Variants in ATP2C1 observed in about 807,000 individuals in gnomAD.
ATP2C1 encodes the protein calcium-transporting ATPase type 2C member 1.
A neutral mutation model predicts 120.5 loss-of-function variants in ATP2C1; 31 were observed. That is an observed-to-expected ratio of 0.26 (90% CI 0.19 to 0.35). The LOEUF is 0.35. Among genes scored for constraint, ATP2C1 ranks in the 10% least tolerant of loss-of-function variants. The pLI is 1.00. For missense variants in ATP2C1, 731 were observed against 1,107.5 expected (o/e 0.66, Z 4.83); for synonymous variants, 351 against 358.7 (o/e 0.98, Z 0.24).
chr3:130,955,998 G>A, intron 10 of ATP2C1, 106 bp from the exon 11 acceptor site: 3 of 773,086 alleles, frequency 3.9e-6, no homozygotes, highest in Non-Finnish European at 7.0e-6. Flanking sequence ...AGAGTTGTAT[G>A]GTTAACTTAG....
At chr3:130,854,270 G>A (rs2067766399) in intron 1 of ATP2C1, 1 of 152,184 alleles carries the variant, frequency 6.6e-6, no homozygotes, top group South Asian at 2.1e-4. Flanking sequence ...GATGCTGAAG[G>A]TTGGGAAAAT....
Position 131,001,844 on chromosome 3 carries a change from G to A in ATP2C1, c.*494G>A, listed in dbSNP as rs1313769541. On this transcript the variant is annotated 3_prime_UTR_variant, in exon 28 of 28. Transcript: ENST00000510168. ...TCAGCTACTGTATTTCCTTTTTCTT[G>A]TAATGTAAGCAGCTCAGATACCATG... The A allele has an allele frequency of 5.1e-6, 5 of 983,292 alleles. No individual in the cohort carries two copies. The highest frequency in any genetic ancestry group is 4.8e-6 in the Non-Finnish European group (4 of 830,026). 60.9% of individuals were successfully genotyped at this position (983,292 alleles called of 1,614,324 possible).
intron 23 of ATP2C1, among the ~76,000 whole-genome samples, chr3:130,996,468 CTT>C (rs2062627378): frequency 6.6e-6 from 1 of 152,058 alleles, no homozygotes; most frequent in African/African-American, 2.4e-5. Context: ...TGTAAAAATT[CTT>C]TATTTGTTCC....
intron 1 of ATP2C1, among the ~76,000 whole-genome samples, chr3:130,871,659 G>GT (rs2068434458): frequency 6.6e-6 from 1 of 152,226 alleles, no homozygotes; most frequent in East Asian, 1.9e-4. Flanking sequence ...ATGACTTAGA[G>GT]TTTCACAGGT....
chr3:130,933,521 C>CA (rs1381231389), intron 4 of ATP2C1, among the ~76,000 whole-genome samples: 4 of 152,172 alleles, frequency 2.6e-5, no homozygotes, highest in African/African-American at 9.7e-5. Flanking sequence ...ATTAAGGTGA[C>CA]ACACAGATGC....
At chr3:130,918,244 T>C in intron 2 of ATP2C1, 1 of 1,500,150 alleles carries the variant, frequency 6.7e-7, no homozygotes, top group Non-Finnish European at 9.3e-7. Context: ...AAGAGCCCTC[T>C]CCTTGGCCAT....
intron 8 of ATP2C1, among the ~76,000 whole-genome samples, chr3:130,947,187 C>T (rs1421760983): frequency 6.6e-6 from 1 of 152,064 alleles, no homozygotes; most frequent in Non-Finnish European, 1.5e-5. Flanking sequence ...AGGGTGGGGC[C>T]TGAGATTACG....
chr3:130,893,757 C>T (rs1413152793), upstream of ATP2C1, among the ~76,000 whole-genome samples: 1 of 152,142 alleles, frequency 6.6e-6, no homozygotes, highest in Non-Finnish European at 1.5e-5. Context: ...GGCGAATCTC[C>T]GACCCTCGCG....
At chr3:130,954,944 T>C (rs2060515176) in intron 9 of ATP2C1, 68 bp from the exon 10 acceptor site, 1 of 1,036,002 alleles carries the variant, frequency 9.7e-7, no homozygotes, top group African/African-American at 1.6e-5. Flanking sequence ...TTGTTGGATG[T>C]GTGTGTGTAT....
intron 8 of ATP2C1, among the ~76,000 whole-genome samples, chr3:130,949,824 G>T (rs990907267): frequency 9.9e-5 from 15 of 152,116 alleles, no homozygotes; most frequent in Admixed American, 8.5e-4. Context: ...AAACAGTGAG[G>T]TATGTTAATT....
chr3:131,010,148 C>G (rs554071985), intron 26 of ATP2C1, among the ~76,000 whole-genome samples: 4 of 150,710 alleles, frequency 2.7e-5, no homozygotes, highest in African/African-American at 7.3e-5. Context: ...AGAGGAAATT[C>G]CTAGGAAATG....
At chr3:130,999,383 A>T in intron 26 of ATP2C1, 135 bp from the exon 27 acceptor site, 1 of 793,132 alleles carries the variant, frequency 1.3e-6, no homozygotes, top group Non-Finnish European at 2.1e-6. Context: ...GTAAAATTTA[A>T]GATATTTCAT....
intron 5 of ATP2C1, among the ~76,000 whole-genome samples, chr3:130,935,973 A>G (rs2059652346): frequency 1.3e-5 from 2 of 152,180 alleles, no homozygotes; most frequent in African/African-American, 4.8e-5. Context: ...TAGACAAACT[A>G]TGGGTGTTAG....
At chr3:130,902,189 G>C (rs1350953069) in intron 2 of ATP2C1, among the ~76,000 whole-genome samples, 3 of 151,392 alleles carry the variant, frequency 2.0e-5, no homozygotes, top group Non-Finnish European at 2.9e-5. Flanking sequence ...GCATGAAAGA[G>C]CCTCTCAGCA....
chr3:130,925,735 C>T lies in ATP2C1; in HGVS notation c.7-4681C>T, dbSNP rs75188762. 4.5e-3 allele frequency among the ~76,000 whole-genome samples: 665 copies of T among 148,040 alleles called. 4 individuals carry two copies. The highest frequency in any genetic ancestry group is 0.016 in the African/African-American group (639 of 39,650). On this transcript the variant is annotated intron_variant, in intron 2 of 27. Transcript: ENST00000510168. ...TACCAGGATGGCTAGAGAAAGACTA[C>T]GAGGTGGGGGCAGGAATAGGGGTGT...
intron 1 of ATP2C1, among the ~76,000 whole-genome samples, chr3:130,857,838 G>C (rs377152840): frequency 1.3e-5 from 2 of 152,128 alleles, no homozygotes; most frequent in Non-Finnish European, 2.9e-5. Flanking sequence ...TGAGTCACAC[G>C]ATCACAAGGT....
intron 1 of ATP2C1, among the ~76,000 whole-genome samples, chr3:130,867,447 G>A (rs1288110613): frequency 1.3e-5 from 2 of 150,978 alleles, no homozygotes; most frequent in African/African-American, 2.4e-5. Flanking sequence ...GTGCCGCCAC[G>A]CCTGACTGGT....
intron 8 of ATP2C1, 87 bp downstream of exon 8, chr3:130,941,786 T>C (rs1559953110): frequency 1.3e-5 from 15 of 1,141,242 alleles, no homozygotes; most frequent in Non-Finnish European, 1.8e-5. Flanking sequence ...AATTAACACA[T>C]AGTTGATTTG....
chr3:130,998,597 G>A (rs1194116981), intron 26 of ATP2C1, among the ~76,000 whole-genome samples: 1 of 152,146 alleles, frequency 6.6e-6, no homozygotes, highest in Non-Finnish European at 1.5e-5. Context: ...TGTCTGACTA[G>A]AACATAAAAG....
Sources: allele counts gnomAD v4.1 joint callset (sites outside exome capture counted in the v4.1 genomes callset), GRCh38; gene constraint gnomAD v4.1.1; transcripts MANE v1.5; gene names NCBI Gene and HGNC (gene_info 2026-07-23, HGNC 2026-07-21).